USP35: variants seen among roughly 807,000 people sequenced by gnomAD.
The protein encoded by USP35 is ubiquitin specific peptidase 35.
Under a neutral mutation model 83.8 loss-of-function variants are expected in USP35, and 69 were observed. The observed-to-expected ratio is 0.82, with a 90% CI of 0.68 to 1.01. USP35 has a LOEUF of 1.01. Ranked by LOEUF, USP35 falls within the 50% of genes least tolerant of loss-of-function variation. The pLI, the probability that USP35 is intolerant of heterozygous loss-of-function variation, is 0.00. For missense variants in USP35, 1,503 were observed against 1,362.5 expected, an observed-to-expected ratio of 1.10 and a Z score of -1.62; for synonymous variants, 714 against 589.5, an observed-to-expected ratio of 1.21 and a Z score of -3.06.
chr11:78,198,755 T>C lies in USP35; in HGVS notation c.806+687T>C, dbSNP rs1013907612. The C allele has an allele frequency of 4.2e-6, 4 of 958,142 alleles. No homozygotes were observed. The African/African-American group carries it at 7.1e-5, about 17-fold the overall frequency. 59.4% of individuals were successfully genotyped at this position (958,142 alleles called of 1,614,324 possible). A position where few individuals can be genotyped will look rare whatever the true frequency, so the allele number is the denominator to read the frequency against. On this transcript the variant is annotated intron_variant, in intron 3 of 10. Coordinates refer to ENST00000529308, the MANE Select transcript of USP35 (RefSeq NM_020798.4). ...GAGGTCAAATCCCGCCTCTACCACT[T>C]CTTGCCTGTGCGACCTTGGACAAGT...
At chr11:78,222,249 TACAC>T in the USP35 span, 1 of 1,089,658 alleles carries the variant, frequency 9.2e-7, no homozygotes, top group Non-Finnish European at 1.4e-6. Context: ...ATGCTACACA[TACAC>T]ACCTTATATA....
In USP35 at chr11:78,203,750, T is replaced by C. The variant is rs964080334; in HGVS notation, c.1198-2092T>C. ...CCTGCCACCACGCCTGGCTAATTTT[T>C]CGTATTTTTAGTAGAGATGGGGTTT... On this transcript the variant is annotated intron_variant, in intron 6 of 10. Transcript: ENST00000529308. Among the ~76,000 whole-genome samples, 128 of 150,462 alleles carry C rather than the reference T, an allele frequency of 8.5e-4. 2 individuals are homozygous for C. The highest frequency in any genetic ancestry group is 1.6e-3 in the Non-Finnish European group (111 of 67,614).
In USP35 at chr11:78,209,807, ACACCC is replaced by A; in HGVS notation, c.1954_1958del (p.Thr652ProfsTer75). On this transcript the variant is annotated frameshift_variant, in exon 10 of 11. Transcript: ENST00000529308. LOFTEE classifies it high-confidence loss of function. The stretch of plus-strand genomic sequence containing the variant: ...CAAAGGAAACACTGCATCACAGAGG[ACACCC>A]CCCCCACCAGCCTGTACATCGAAGG... The A allele has an allele frequency of 1.9e-6, 3 of 1,613,628 alleles. No homozygotes were observed. The highest frequency in any genetic ancestry group is 8.5e-7 in the Non-Finnish European group (1 of 1,179,856).
rs200697593 is a variant in USP35, at chr11:78,203,887, C to CTTTT, written c.1198-1954_1198-1951dup. On this transcript the variant is annotated intron_variant, in intron 6 of 10. Transcript: ENST00000529308. ...GCCACTGTACCCAGCCCATATTTTT[C>CTTTT]TTTTCTTTTTTTTTTTTTTTTGAGA... is the stretch of plus-strand genomic sequence containing the variant. Among the ~76,000 whole-genome samples, 934 of 124,284 alleles carry CTTTT rather than the reference C, an allele frequency of 7.5e-3. 67 individuals are homozygous for CTTTT. Among genetic ancestry groups the CTTTT allele is most frequent in the African/African-American group, 0.018 (571 of 31,132 alleles). The allele number at this position is 124,284 out of a possible 152,430, so 81.5% of individuals were successfully genotyped here.
rs562246864 is a variant in USP35 at position 78,205,903 on chromosome 11, C to G, written c.1259C>G (p.Ser420Trp). 14 of 1,614,270 alleles carry G rather than the reference C, an allele frequency of 8.7e-6. 1 individual carries two copies. Among genetic ancestry groups the G allele is most frequent in the Non-Finnish European group, 1.0e-5 (12 of 1,180,044 alleles). ...CTGCTGGGGCAGGATGCCTGGACTT[C>G]GCAGAAGAGCGAGCTGGCGGGTTTC... ...KQLLGQDAWT[S>W]QKSELAGFYP... Residue 420 changes from serine (S) to tryptophan (W), a missense_variant, in exon 7 of 11, where the codon TCG becomes TGG. By Grantham distance (177) the Ser-to-Trp change is radical (BLOSUM62 -3). Coordinates refer to ENST00000529308, the MANE Select transcript of USP35 (RefSeq NM_020798.4).
chr11:78,196,315 C>G lies in USP35; in HGVS notation c.70C>G (p.Arg24Gly). 1 of 1,590,916 alleles carries G rather than the reference C, an allele frequency of 6.3e-7. No individual in the cohort carries two copies. The highest frequency in any genetic ancestry group is 8.5e-7 in the Non-Finnish European group (1 of 1,175,898). The stretch of plus-strand genomic sequence containing the variant: ...CAGCGTGAAGCAGGGGCTGGTTCGG[C>G]GCGTGCTGGAGGCGGCGCGGCAGCC... Reference protein sequence around the residue: ...PVSVKQGLVRRVLEAARQPLE... With the variant: ...PVSVKQGLVRGVLEAARQPLE... The change falls in exon 2 of 11, where the codon CGC (arginine) becomes GGC (glycine). Residue 24 changes from arginine to glycine, a missense_variant. By Grantham distance (125) the Arg-to-Gly change is moderately radical. Transcript: ENST00000529308. The surrounding 1 kb of genome is among the most constrained non-coding windows in gnomAD (Gnocchi z 4.8).
At position 78,196,524 on chromosome 11, in the gene USP35, C is replaced by CGGCCCCCCG; in HGVS notation, c.287_295dup (p.Pro96_Pro98dup). The CGGCCCCCCG allele has an allele frequency of 8.2e-7, 1 of 1,222,760 alleles. No homozygotes were observed. The highest frequency in any genetic ancestry group is 1.0e-6 in the Non-Finnish European group (1 of 974,466). The allele number at this position is 1,222,760 out of a possible 1,614,324, so 75.7% of individuals were successfully genotyped here. A position where few individuals can be genotyped will look rare whatever the true frequency, so the allele number is the denominator to read the frequency against. On this transcript the variant is annotated inframe_insertion, in exon 2 of 11. Coordinates refer to ENST00000529308, the MANE Select transcript of USP35 (RefSeq NM_020798.4). The surrounding 1 kb of genome is among the most constrained non-coding windows in gnomAD (Gnocchi z 4.8). ...TGCTGCGCCTGCTGCAGGGTGGCGCCGGCCCCCCGGGCCCCCGCGCGCTCG... is the reference window on the plus strand; with the variant it reads ...TGCTGCGCCTGCTGCAGGGTGGCGCCGGCCCCCCGGGCCCCCCGGGCCCCCGCGCGCTCG...
At chr11:78,234,363 G>A in the USP35 span, among the ~76,000 whole-genome samples, 43 of 152,202 alleles carry the variant, frequency 2.8e-4, no homozygotes, top group Admixed American at 2.6e-3. Flanking sequence ...GATTACAGGC[G>A]TGAACTACTG....
chr11:78,223,608 T>C, the USP35 span: 4 of 1,613,562 alleles, frequency 2.5e-6, no homozygotes, highest in Non-Finnish European at 3.4e-6. Context: ...TGGAAGAACC[T>C]GGATTCATGG....
Position 78,214,104 on chromosome 11 carries a change from C to CCCATGCGGGAAGATCT in USP35, c.*292_*307dup, listed in dbSNP as rs1555089946. 6.2e-6 allele frequency: 2 copies of CCCATGCGGGAAGATCT among 324,272 alleles called. No homozygotes were observed. Among genetic ancestry groups the CCCATGCGGGAAGATCT allele is most frequent in the Non-Finnish European group, 1.1e-5 (2 of 178,660 alleles). The allele number at this position is 324,272 out of a possible 1,614,324, so 20.1% of individuals were successfully genotyped here. On this transcript the variant is annotated 3_prime_UTR_variant, in exon 11 of 11. Transcript: ENST00000529308. Reference sequence around the variant, plus strand: ...CTCCCCCTCCTTCCCTAGCAGGCTCCCCATGCGGGAAGATCTGATGATGTT... The same window carrying CCCATGCGGGAAGATCT: ...CTCCCCCTCCTTCCCTAGCAGGCTCCCCATGCGGGAAGATCTCCATGCGGGAAGATCTGATGATGTT...
the USP35 span, among the ~76,000 whole-genome samples, chr11:78,230,688 A>G: frequency 3.3e-5 from 5 of 152,234 alleles, no homozygotes; most frequent in Admixed American, 6.5e-5. Flanking sequence ...ACTGATTATC[A>G]CCTCAGTAAC....
chr11:78,211,347 C>G (rs1455184281), intron 10 of USP35, among the ~76,000 whole-genome samples: 1 of 152,192 alleles, frequency 6.6e-6, no homozygotes, highest in Non-Finnish European at 1.5e-5. Flanking sequence ...TTTATCCAGT[C>G]TATCATTGAT....
intron 10 of USP35, among the ~76,000 whole-genome samples, chr11:78,211,796 TG>T (rs1311536624): frequency 2.0e-5 from 3 of 152,346 alleles, no homozygotes; most frequent in East Asian, 1.9e-4. Flanking sequence ...TTAATGGGGT[TG>T]TTTTTTTCTT....
the USP35 span, chr11:78,220,389 T>C: frequency 1.2e-6 from 2 of 1,612,550 alleles, no homozygotes; most frequent in South Asian, 1.1e-5. Flanking sequence ...GGTGCTCTTC[T>C]TAGGGGCAGG....
chr11:78,210,606 A>G lies in USP35; in HGVS notation c.2751A>G (p.Thr917=), dbSNP rs929732664. 1.8e-5 allele frequency: 29 copies of G among 1,614,068 alleles called. No individual in the cohort carries two copies. The highest frequency in any genetic ancestry group is 2.2e-5 in the Non-Finnish European group (26 of 1,180,008). Residue 917 remains threonine (T), a synonymous_variant, in exon 10 of 11, where the codon ACA becomes ACG. Transcript: ENST00000529308. ...SNVTSFFPKD[T]AYVLFYRQRP... Reference sequence around the variant, plus strand: ...TCACCTCCTTCTTCCCTAAGGACACAGCCTATGTGCTGTTTTACCGGCAGC... The same window carrying G: ...TCACCTCCTTCTTCCCTAAGGACACGGCCTATGTGCTGTTTTACCGGCAGC...
chr11:78,197,303 A>C (rs1467097194), intron 2 of USP35, among the ~76,000 whole-genome samples: 1 of 151,758 alleles, frequency 6.6e-6, no homozygotes, highest in Non-Finnish European at 1.5e-5. Flanking sequence ...CTTTAGAGCC[A>C]GGAGTTGACA....
At chr11:78,233,604 G>T in the USP35 span, among the ~76,000 whole-genome samples, 3 of 151,584 alleles carry the variant, frequency 2.0e-5, no homozygotes, top group Non-Finnish European at 2.9e-5. Context: ...CGCATTTTGT[G>T]ATTTGTCTTT....
rs148561539 is a variant in USP35 at position 78,191,530 on chromosome 11, G to A, written c.-11+2373G>A. On this transcript the variant is annotated intron_variant, in intron 1 of 10. Transcript: ENST00000529308. ...TAAAAGAACACCTACCTCCATGGTG[G>A]CTGGGCTAGACTCGAAGCCTGGACT... is the stretch of plus-strand genomic sequence containing the variant. 5.2e-3 allele frequency among the ~76,000 whole-genome samples: 787 copies of A among 152,306 alleles called. 10 individuals are homozygous for A. The highest frequency in any genetic ancestry group is 0.018 in the African/African-American group (743 of 41,560).
Position 78,210,297 on chromosome 11 carries a change from C to A in USP35, c.2442C>A (p.Asp814Glu). 5.6e-6 allele frequency: 9 copies of A among 1,614,040 alleles called. No homozygotes were observed. The highest frequency in any genetic ancestry group is 1.1e-5 in the South Asian group (1 of 91,088). The change falls in exon 10 of 11, where the codon GAC (aspartate) becomes GAA (glutamate). Residue 814 changes from aspartate to glutamate, a missense_variant. Transcript: ENST00000529308. ...TCACACTGCTGCGCTTCTCTTTCGACCTGCGCACCATGCGGCGCCGCAAGA... is the reference window on the plus strand; with the variant it reads ...TCACACTGCTGCGCTTCTCTTTCGAACTGCGCACCATGCGGCGCCGCAAGA... ...LILTLLRFSF[D>E]LRTMRRRKIL...
Sources: gnomAD v4.1 joint callset for allele counts (sites outside exome capture counted in the v4.1 genomes callset) on GRCh38, gnomAD v4.1.1 for gene constraint, Gnocchi (gnomAD v3.1) non-coding constraint, MANE v1.5 for transcripts, NCBI Gene and HGNC (gene_info 2026-07-23, HGNC 2026-07-21) for gene names.